Variants in ST18 observed in about 807,000 individuals in gnomAD.
The protein encoded by ST18 is suppression of tumorigenicity 18 protein.
ST18 carries 50 observed loss-of-function variants against 110.0 expected under a neutral mutation model. That is an observed-to-expected ratio of 0.45 (90% CI 0.36 to 0.58). The LOEUF is 0.58. ST18 is among the 20% of genes least tolerant of loss of function. The probability of loss-of-function intolerance (pLI) is 0.00; values close to 1 mark genes in which losing one functional copy is unlikely to be tolerated. For missense variants in ST18, 1,306 were observed against 1,280.1 expected (o/e 1.02, Z -0.31); for synonymous variants, 461 against 452.4 (o/e 1.02, Z -0.24).
At chr8:52,113,930 A>T (rs1357519623) in intron 25 of ST18, among the ~76,000 whole-genome samples, 2 of 128,272 alleles carry the variant, frequency 1.6e-5, no homozygotes, top group Non-Finnish European at 3.4e-5. Context: ...TCAGTTTCAC[A>T]AAGTTTAAAT....
rs992657308 is a variant in ST18, at chr8:52,297,829, C to T, written c.-464-67752G>A. On this transcript the variant is annotated intron_variant, in intron 2 of 25. Coordinates refer to ENST00000689386, the MANE Select transcript of ST18 (RefSeq NM_001352837.2). ...ACACTTTTTCTAAATGTCTACTATG[C>T]ATGCCCAGGAAAAAAAGTGATCATT... Among the ~76,000 whole-genome samples, 3 of 152,196 alleles carry T rather than the reference C, an allele frequency of 2.0e-5. No homozygotes were observed. The East Asian group carries it at 5.8e-4, about 29-fold the overall frequency.
intron 2 of ST18, among the ~76,000 whole-genome samples, chr8:52,242,320 A>G (rs556874573): frequency 6.6e-6 from 1 of 152,308 alleles, no homozygotes; most frequent in Admixed American, 6.5e-5. Flanking sequence ...CCATAGAGTA[A>G]AAGCACAGAG....
chr8:52,391,187 C>T (rs1839207777), intron 2 of ST18, among the ~76,000 whole-genome samples: 1 of 152,166 alleles, frequency 6.6e-6, no homozygotes, highest in African/African-American at 2.4e-5. Context: ...TTCCCTGGTG[C>T]GAACCCACCC....
chr8:52,165,934 T>A (rs2062831415), intron 11 of ST18, among the ~76,000 whole-genome samples: 1 of 152,218 alleles, frequency 6.6e-6, no homozygotes, highest in South Asian at 2.1e-4. Context: ...GTGGCAGCCC[T>A]CTGCTTCACT....
rs377282404 is a variant in ST18, at chr8:52,264,079, G to A, written c.-464-34002C>T. 2.4e-4 allele frequency among the ~76,000 whole-genome samples: 37 copies of A among 152,228 alleles called. No individual in the cohort carries two copies. In the South Asian group the frequency reaches 4.8e-3, roughly 20 times the overall value. ...CTCCCAAAGTTCTGGGATTACAGGC[G>A]TGAGCCACCACGCCTGGCAATACCA... On this transcript the variant is annotated intron_variant, in intron 2 of 25. Coordinates refer to ENST00000689386, the MANE Select transcript of ST18 (RefSeq NM_001352837.2).
chr8:52,167,660 A>G (rs754887556), intron 10 of ST18, among the ~76,000 whole-genome samples: 53 of 152,340 alleles, frequency 3.5e-4, no homozygotes, highest in Middle Eastern at 3.4e-3. Context: ...TAAATGCAGA[A>G]TCTGAAAACT....
Position 52,299,162 on chromosome 8 carries a change from A to T in ST18, c.-464-69085T>A, listed in dbSNP as rs138800359. On this transcript the variant is annotated intron_variant, in intron 2 of 25. Transcript: ENST00000689386. ...TTTATATACATATATATAAAATCAT[A>T]CACACGCACACACACATATTTATAC... is the stretch of plus-strand genomic sequence containing the variant. Among the ~76,000 whole-genome samples, 915 of 152,310 alleles carry T rather than the reference A, an allele frequency of 6.0e-3. 5 individuals carry two copies. Among genetic ancestry groups the T allele is most frequent in the African/African-American group, 0.021 (867 of 41,572 alleles).
chr8:52,378,968 T>C (rs959068561), intron 2 of ST18, among the ~76,000 whole-genome samples: 1 of 152,226 alleles, frequency 6.6e-6, no homozygotes. Context: ...TCCCTCATCA[T>C]GCTTTCAATT....
At chr8:52,116,060 C>CT (rs2042425281) in intron 25 of ST18, among the ~76,000 whole-genome samples, 1 of 152,064 alleles carries the variant, frequency 6.6e-6, no homozygotes, top group Non-Finnish European at 1.5e-5. Flanking sequence ...ACTTTGGCCT[C>CT]TAAAAAATTC....
At chr8:52,189,167 A>C (rs1157291874) in intron 8 of ST18, among the ~76,000 whole-genome samples, 1 of 152,132 alleles carries the variant, frequency 6.6e-6, no homozygotes, top group East Asian at 1.9e-4. Flanking sequence ...ACACCACAGC[A>C]TCTGGCTTTC....
At chr8:52,184,821 T>A (rs2071354823) in intron 8 of ST18, among the ~76,000 whole-genome samples, 1 of 152,090 alleles carries the variant, frequency 6.6e-6, no homozygotes, top group Non-Finnish European at 1.5e-5. Context: ...AACCTCTGAG[T>A]CCAAGGAAAA....
chr8:52,372,873 A>C (rs16917741), intron 2 of ST18, among the ~76,000 whole-genome samples: 25,854 of 152,250 alleles, frequency 0.17, 3,575 homozygotes, highest in African/African-American at 0.38. Context: ...GTTTATGGTT[A>C]TGAAGCTGGG....
At chr8:52,219,224 G>T (rs1310184424) in intron 5 of ST18, among the ~76,000 whole-genome samples, 3 of 152,142 alleles carry the variant, frequency 2.0e-5, no homozygotes, top group African/African-American at 7.2e-5. Flanking sequence ...AAAATGAGCT[G>T]CAGTACTAAA....
intron 6 of ST18, among the ~76,000 whole-genome samples, chr8:52,217,210 A>G (rs1308520547): frequency 1.3e-5 from 2 of 152,124 alleles, no homozygotes; most frequent in African/African-American, 4.8e-5. Context: ...TTCTTAGGGC[A>G]TTTATATACT....
chr8:52,324,891 C>T (rs573098371), intron 2 of ST18, among the ~76,000 whole-genome samples: 19 of 152,194 alleles, frequency 1.2e-4, no homozygotes, highest in Admixed American at 7.8e-4. Flanking sequence ...ACTTAATGCC[C>T]GGACATGTTG....
At chr8:52,249,704 A>G (rs1169576783) in intron 2 of ST18, among the ~76,000 whole-genome samples, 3 of 152,146 alleles carry the variant, frequency 2.0e-5, no homozygotes, top group Admixed American at 2.0e-4. Flanking sequence ...ATACTGAGGT[A>G]TCTTACGGGC....
intron 2 of ST18, among the ~76,000 whole-genome samples, chr8:52,291,884 C>T (rs1006415597): frequency 3.3e-5 from 5 of 152,122 alleles, no homozygotes; most frequent in Non-Finnish European, 2.9e-5. Flanking sequence ...AAGTGATCCT[C>T]CCGCCCCAGT....
chr8:52,186,885 G>A (rs1016192160), intron 8 of ST18, among the ~76,000 whole-genome samples: 3 of 152,190 alleles, frequency 2.0e-5, no homozygotes, highest in Non-Finnish European at 4.4e-5. Flanking sequence ...GGTCACAGCT[G>A]TGGGAGGTAT....
At chr8:52,284,954 A>C (rs1161992017) in intron 2 of ST18, among the ~76,000 whole-genome samples, 1 of 152,200 alleles carries the variant, frequency 6.6e-6, no homozygotes, top group East Asian at 1.9e-4. Context: ...GGCACAATTA[A>C]GACAAAAGAC....
Sources: gnomAD v4.1 joint callset for allele counts (sites outside exome capture counted in the v4.1 genomes callset) on GRCh38, gnomAD v4.1.1 for gene constraint, MANE v1.5 for transcripts, NCBI Gene and HGNC (gene_info 2026-07-23, HGNC 2026-07-21) for gene names.